GLT8D2: variants seen among roughly 807,000 people sequenced by gnomAD.
The protein encoded by GLT8D2 is glycosyltransferase 8 domain containing 2.
Under a neutral mutation model 44.5 loss-of-function variants are expected in GLT8D2, and 45 were observed. The ratio of observed to expected loss-of-function variants is 1.01; its 90% CI spans 0.80 to 1.30. The LOEUF is 1.30. Among genes scored for constraint, GLT8D2 ranks in the 50% most tolerant of loss-of-function variants. The pLI, the probability that GLT8D2 is intolerant of heterozygous loss-of-function variation, is 0.00. For synonymous variants in GLT8D2, 156 were observed against 157.2 expected (o/e 0.99, Z 0.06); for missense variants, 400 against 430.4 (o/e 0.93, Z 0.62).
At chr12:104,001,682 C>CTTTATTTA (rs567362806) in intron 5 of GLT8D2, among the ~76,000 whole-genome samples, 8 of 151,876 alleles carry the variant, frequency 5.3e-5, no homozygotes, top group African/African-American at 9.7e-5. Flanking sequence ...CACAGAAAAA[C>CTTTATTTA]TTTATTTATT....
At chr12:104,042,295 C>T (rs1880646199) in intron 1 of GLT8D2, among the ~76,000 whole-genome samples, 1 of 152,166 alleles carries the variant, frequency 6.6e-6, no homozygotes. Context: ...GCCATAATGG[C>T]TGGAGCTAGG....
chr12:104,061,496 C>T (rs1246825216), intron 1 of GLT8D2, among the ~76,000 whole-genome samples: 1 of 152,202 alleles, frequency 6.6e-6, no homozygotes, highest in East Asian at 1.9e-4. Context: ...GAAAAACTCA[C>T]TGCTTTATTC....
At position 104,004,187 on chromosome 12, in the gene GLT8D2, T is replaced by G. The variant is rs142644796; in HGVS notation, c.113-881A>C. Among the ~76,000 whole-genome samples, 378 of 152,290 alleles carry G rather than the reference T, an allele frequency of 2.5e-3. 1 individual carries two copies. Among genetic ancestry groups the G allele is most frequent in the Non-Finnish European group, 3.7e-3 (249 of 68,024 alleles). ...TTTGACAAAATTCGACAGCCCTTCA[T>G]GCTAAAAATTCTCAATAAATTAGGC... On this transcript the variant is annotated intron_variant, in intron 4 of 10. Transcript: ENST00000360814.
At chr12:104,024,150 G>C (rs573906813) in intron 1 of GLT8D2, among the ~76,000 whole-genome samples, 1 of 152,270 alleles carries the variant, frequency 6.6e-6, no homozygotes, top group East Asian at 1.9e-4. Context: ...GGGAAGCCAA[G>C]ATGGGAGGAC....
At chr12:104,003,751 G>A (rs964909897) in intron 4 of GLT8D2, among the ~76,000 whole-genome samples, 1 of 152,114 alleles carries the variant, frequency 6.6e-6, no homozygotes, top group Non-Finnish European at 1.5e-5. Flanking sequence ...TCTTGATCTG[G>A]ATAATTGTGG....
At chr12:104,016,826 A>AAAAGAAAAGAAAG (rs1555278981) in intron 3 of GLT8D2, among the ~76,000 whole-genome samples, 2 of 72,498 alleles carry the variant, frequency 2.8e-5, no homozygotes, top group Non-Finnish European at 5.3e-5. Flanking sequence ...AAAGAGAAAG[A>AAAAGAAAAGAAAG]AAAGAAAGAA....
rs371428741 is a variant in GLT8D2 at position 104,015,127 on chromosome 12, A to G, written c.20-22T>C. 29 of 1,568,594 alleles carry G rather than the reference A, an allele frequency of 1.8e-5. No individual in the cohort carries two copies. The African/African-American group carries it at 3.2e-4, about 18-fold the overall frequency. ...TTAACTGAAATAGAAATGGAAACAC[A>G]TTAACATTGAACCTATGAACCTGAA... On this transcript the variant is annotated intron_variant, in intron 3 of 10. Transcript: ENST00000360814.
At chr12:103,994,233 G>T in intron 9 of GLT8D2, 102 bp downstream of exon 9, 1 of 1,131,712 alleles carries the variant, frequency 8.8e-7, no homozygotes, top group Non-Finnish European at 1.2e-6. Flanking sequence ...TCTGACCTGA[G>T]ATGACTGTGA....
intron 4 of GLT8D2, among the ~76,000 whole-genome samples, chr12:104,006,951 A>G (rs139132189): frequency 2.0e-5 from 3 of 152,272 alleles, no homozygotes; most frequent in African/African-American, 4.8e-5. Context: ...CTTTGCCTAC[A>G]CTGCTATAAG....
At chr12:104,014,447 T>G (rs1016453575) in intron 4 of GLT8D2, 6 of 588,796 alleles carry the variant, frequency 1.0e-5, no homozygotes, top group Non-Finnish European at 1.8e-5. Flanking sequence ...GTTTTGAAGG[T>G]GCCATCTCAG....
chr12:104,048,898 A>G (rs1251580833), intron 1 of GLT8D2, among the ~76,000 whole-genome samples: 6 of 152,234 alleles, frequency 3.9e-5, no homozygotes, highest in Non-Finnish European at 7.3e-5. Context: ...ACTAGGGTGC[A>G]TGCAGTTAAA....
chr12:104,000,577 G>A (rs538430895), intron 5 of GLT8D2, among the ~76,000 whole-genome samples: 3 of 152,296 alleles, frequency 2.0e-5, no homozygotes, highest in Non-Finnish European at 4.4e-5. Context: ...GCAGGGAGTA[G>A]ACTGGACAGC....
At chr12:104,016,814 A>G (rs1434043977) in intron 3 of GLT8D2, among the ~76,000 whole-genome samples, 22 of 144,328 alleles carry the variant, frequency 1.5e-4, no homozygotes, top group African/African-American at 3.5e-4. Flanking sequence ...AAGGAAAGAA[A>G]GAAAGAGAAA....
upstream of GLT8D2, among the ~76,000 whole-genome samples, chr12:104,052,756 T>C (rs1197286972): frequency 7.7e-6 from 1 of 130,538 alleles, no homozygotes; most frequent in African/African-American, 2.6e-5. Flanking sequence ...TTGTACCTTA[T>C]TTTATGTATT....
intron 3 of GLT8D2, among the ~76,000 whole-genome samples, chr12:104,018,270 C>T (rs536583230): frequency 2.0e-5 from 3 of 152,278 alleles, no homozygotes; most frequent in South Asian, 2.1e-4. Context: ...CCGCACCTGG[C>T]CTGTATTATT....
chr12:104,003,105 A>G, intron 5 of GLT8D2, 30 bp downstream of exon 5: 1 of 1,582,758 alleles, frequency 6.3e-7, no homozygotes, highest in Non-Finnish European at 8.7e-7. Context: ...AGGAAACAGA[A>G]AGTGCCAAAG....
chr12:103,996,651 T>C (rs1331841264), intron 8 of GLT8D2, 84 bp downstream of exon 8: 1 of 947,206 alleles, frequency 1.1e-6, no homozygotes, highest in Non-Finnish European at 1.7e-6. Context: ...AGGTGGAGGT[T>C]ACACTCATTT....
intron 4 of GLT8D2, 125 bp from the exon 5 acceptor site, chr12:104,003,431 A>G (rs1176675915): frequency 6.3e-6 from 5 of 792,504 alleles, no homozygotes; most frequent in African/African-American, 1.7e-5. Flanking sequence ...TTGTTCTCCA[A>G]TATCTAGTCA....
chr12:103,992,034 T>C (rs891002681), intron 10 of GLT8D2, among the ~76,000 whole-genome samples: 1 of 152,172 alleles, frequency 6.6e-6, no homozygotes, highest in Non-Finnish European at 1.5e-5. Context: ...AATAACTTCT[T>C]TGGCAGTAAA....
Sources: allele counts gnomAD v4.1 joint callset (sites outside exome capture counted in the v4.1 genomes callset), GRCh38; gene constraint gnomAD v4.1.1; transcripts MANE v1.5; gene names NCBI Gene and HGNC (gene_info 2026-07-23, HGNC 2026-07-21).